ZNF91: variants seen among roughly 807,000 people sequenced by gnomAD.
ZNF91 encodes zinc finger protein 91 (HPF7, HTF10).
A neutral mutation model predicts 12.6 loss-of-function variants in ZNF91; 7 were observed. The observed-to-expected ratio is 0.55, with a 90% CI of 0.31 to 1.04. The LOEUF (loss-of-function observed/expected upper bound fraction) is 1.04, where lower values mean the gene tolerates loss of function less well. Ranked by LOEUF, ZNF91 falls within the 50% of genes least tolerant of loss-of-function variation. The pLI, the probability that ZNF91 is intolerant of heterozygous loss-of-function variation, is 0.05. For synonymous variants in ZNF91, 453 were observed against 462.6 expected (o/e 0.98, Z 0.27); for missense variants, 1,217 against 1,385.4 (o/e 0.88, Z 1.93).
At position 23,360,927 on chromosome 19, in the gene ZNF91, T is replaced by A; in HGVS notation, c.2052A>T (p.Lys684Asn). Reference sequence around the variant, plus strand: ...TGTCACATTCTTTACATTTGTAGGGTTTCTCTTCAGTATGAGTTATCTTAT... The same window carrying A: ...TGTCACATTCTTTACATTTGTAGGGATTCTCTTCAGTATGAGTTATCTTAT... ...ANHKITHTEEKPYKCKECDKT... is the reference protein window; with the variant it reads ...ANHKITHTEENPYKCKECDKT... The change falls in exon 4 of 4, where the codon AAA becomes AAT. Residue 684 changes from lysine (K) to asparagine (N), a missense_variant. By Grantham distance (94) the Lys-to-Asn change is moderately conservative. This residue lies in a region of ZNF91 where 726 missense variants were observed against 895.5 expected (regional missense o/e 0.81). Coordinates refer to ENST00000300619, the MANE Select transcript of ZNF91 (RefSeq NM_003430.4). The A allele has an allele frequency of 6.2e-7, 1 of 1,613,730 alleles. No homozygotes were observed. Among genetic ancestry groups the A allele is most frequent in the Non-Finnish European group, 8.5e-7 (1 of 1,179,800 alleles).
chr19:23,339,283 T>TCATC (rs1315299337), intron 3 of ZNF91: 3 of 151,868 alleles, frequency 2.0e-5, no homozygotes, highest in Non-Finnish European at 4.4e-5. Context: ...AGGATAAAGA[T>TCATC]CATCATCCAA....
At chr19:23,356,286 C>T (rs982956500), downstream of ZNF91, among the ~76,000 whole-genome samples, 28 of 151,984 alleles carry the variant, frequency 1.8e-4, no homozygotes, top group South Asian at 1.2e-3. Context: ...CAGGAATTAA[C>T]GCGTGGGTAA....
chr19:23,337,480 A>G (rs987288120), downstream of ZNF91, among the ~76,000 whole-genome samples: 2 of 151,810 alleles, frequency 1.3e-5, no homozygotes, highest in African/African-American at 2.4e-5. Context: ...TCAAAAAAAA[A>G]AAAAAACTTC....
chr19:23,374,931 TCTCTAA>T (rs1969450884), intron 1 of ZNF91, among the ~76,000 whole-genome samples, 167 bp from the exon 2 acceptor site: 1 of 152,202 alleles, frequency 6.6e-6, no homozygotes, highest in Admixed American at 6.5e-5. Flanking sequence ...TGTAATGTAT[TCTCTAA>T]CTCTGAGAAA....
At chr19:23,341,058 T>G (rs1599701701) in intron 3 of ZNF91, among the ~76,000 whole-genome samples, 1 of 149,932 alleles carries the variant, frequency 6.7e-6, no homozygotes, top group East Asian at 1.9e-4. Context: ...AACTGCCATT[T>G]TTTTTTTTTT....
At chr19:23,379,655 A>G (rs1435150997) in intron 1 of ZNF91, among the ~76,000 whole-genome samples, 1 of 152,232 alleles carries the variant, frequency 6.6e-6, no homozygotes, top group Non-Finnish European at 1.5e-5. Context: ...AGCTTTTCAC[A>G]TCTTCATGGC....
chr19:23,338,730 G>T (rs1040752526), downstream of ZNF91: 27 of 152,026 alleles, frequency 1.8e-4, no homozygotes, highest in African/African-American at 6.5e-4. Context: ...TATTTACCTT[G>T]AATATAAATA....
chr19:23,388,325 G>A (rs1969944714), intron 1 of ZNF91, among the ~76,000 whole-genome samples: 1 of 151,896 alleles, frequency 6.6e-6, no homozygotes, highest in East Asian at 1.9e-4. Flanking sequence ...AAAACAAACA[G>A]AAAACAATAA....
At position 23,351,253 on chromosome 19, in the gene ZNF91, G is replaced by A. The variant is rs567284094; in HGVS notation, c.254-12199C>T. Among the ~76,000 whole-genome samples the A allele has an allele frequency of 1.2e-4, 18 of 151,854 alleles. No individual in the cohort carries two copies. In the South Asian group the frequency reaches 3.7e-3, roughly 32 times the overall value. On this transcript the variant is annotated intron_variant, in intron 3 of 3. Coordinates refer to the ZNF91 transcript ENST00000599743. ...GCAGGAGAATTGCTTGAACCCTAGA[G>A]GAAGAGGTTACAGTGAGCCAAGATC... is the stretch of plus-strand genomic sequence containing the variant.
At chr19:23,366,136 A>C (rs1969003827) in intron 3 of ZNF91, among the ~76,000 whole-genome samples, 2 of 151,980 alleles carry the variant, frequency 1.3e-5, no homozygotes, top group African/African-American at 4.8e-5. Context: ...GCTTCCCAGT[A>C]GGGGCGGCCG....
chr19:23,366,234 C>A (rs182053041), intron 3 of ZNF91, among the ~76,000 whole-genome samples: 1 of 151,698 alleles, frequency 6.6e-6, no homozygotes. Context: ...GGCGGCTGGC[C>A]GGGCGGGGGG....
chr19:23,383,946 C>T (rs1258562755), intron 1 of ZNF91, among the ~76,000 whole-genome samples: 2 of 152,042 alleles, frequency 1.3e-5, no homozygotes, highest in African/African-American at 4.8e-5. Context: ...CCTGTCTCTA[C>T]TAAAAATACA....
intron 3 of ZNF91, among the ~76,000 whole-genome samples, chr19:23,372,882 A>G (rs994998779): frequency 6.6e-6 from 1 of 152,302 alleles, no homozygotes; most frequent in South Asian, 2.1e-4. Context: ...ACATCCTCAT[A>G]TAAAGCCCAC....
intron 1 of ZNF91, among the ~76,000 whole-genome samples, chr19:23,382,772 T>C (rs1408436542): frequency 1.3e-5 from 2 of 151,922 alleles, no homozygotes; most frequent in Admixed American, 1.3e-4. Flanking sequence ...TGAAAAAAAG[T>C]ATTAAGGAAT....
intron 1 of ZNF91, among the ~76,000 whole-genome samples, chr19:23,319,585 C>A (rs1967641390): frequency 6.6e-6 from 1 of 152,212 alleles, no homozygotes; most frequent in Non-Finnish European, 1.5e-5. Context: ...TCTGCATACA[C>A]TACCTAGGAC....
intron 3 of ZNF91, among the ~76,000 whole-genome samples, chr19:23,363,961 T>C (rs1027310915): frequency 1.1e-4 from 17 of 152,042 alleles, no homozygotes; most frequent in African/African-American, 3.9e-4. Context: ...CAAACACATA[T>C]ATAAGCACAA....
At chr19:23,393,931 C>T (rs1269659628) in intron 1 of ZNF91, among the ~76,000 whole-genome samples, 2 of 152,032 alleles carry the variant, frequency 1.3e-5, no homozygotes, top group East Asian at 1.9e-4. Context: ...GCCCAGTAGG[C>T]GGAGGTTGTA....
chr19:23,373,386 A>ATATATATATAT (rs1491489801), intron 3 of ZNF91, among the ~76,000 whole-genome samples: 1 of 86,450 alleles, frequency 1.2e-5, no homozygotes, highest in African/African-American at 3.3e-5. Context: ...ATATATATAT[A>ATATATATATAT]AATAAACAGT....
intron 1 of ZNF91, among the ~76,000 whole-genome samples, chr19:23,386,067 T>C (rs1055896157): frequency 2.6e-5 from 4 of 152,218 alleles, no homozygotes; most frequent in East Asian, 1.9e-4. Context: ...CCATTCACAA[T>C]TGCTGCAAAA....
Sources: allele counts gnomAD v4.1 joint callset (sites outside exome capture counted in the v4.1 genomes callset), GRCh38; gene constraint gnomAD v4.1.1; regional missense constraint gnomAD v4.1.1; transcripts MANE v1.5; gene names NCBI Gene and HGNC (gene_info 2026-07-23, HGNC 2026-07-21).